The following WWC1 variants were observed in gnomAD, a reference collection of about 807,000 sequenced individuals.
WWC1 encodes WW and C2 domain containing 1, also known as protein KIBRA.
A neutral mutation model predicts 138.4 loss-of-function variants in WWC1; 55 were observed. The ratio of observed to expected loss-of-function variants is 0.40; its 90% CI spans 0.32 to 0.50. WWC1 has a LOEUF of 0.50. Among genes scored for constraint, WWC1 ranks in the 20% least tolerant of loss-of-function variants. WWC1 has a pLI of 0.72. For synonymous variants in WWC1, 524 were observed against 564.9 expected, an observed-to-expected ratio of 0.93 and a Z score of 1.03; for missense variants, 1,226 against 1,420.4, an observed-to-expected ratio of 0.86 and a Z score of 2.20.
At chr5:168,318,821 A>G (rs551107259) in intron 1 of WWC1, among the ~76,000 whole-genome samples, 1 of 151,950 alleles carries the variant, frequency 6.6e-6, no homozygotes, top group Admixed American at 6.6e-5. Context: ...TGGCCTCCCA[A>G]AGTGCTGGGA....
At chr5:168,467,711 T>A in intron 21 of WWC1, 129 bp from the exon 22 acceptor site, 1 of 1,333,914 alleles carries the variant, frequency 7.5e-7, no homozygotes, top group Non-Finnish European at 1.0e-6. Flanking sequence ...CTGAATGAAG[T>A]GGATCCCACA....
intron 1 of WWC1, among the ~76,000 whole-genome samples, chr5:168,323,177 A>G (rs1772258374): frequency 6.6e-6 from 1 of 152,238 alleles, no homozygotes; most frequent in Non-Finnish European, 1.5e-5. Context: ...AAAATTTGCT[A>G]GATGAGTTTA....
chr5:168,465,790 T>C (rs1192123337), intron 21 of WWC1, among the ~76,000 whole-genome samples: 2 of 152,068 alleles, frequency 1.3e-5, no homozygotes, highest in Non-Finnish European at 2.9e-5. Context: ...ACTCCTGGGC[T>C]CAAACATTCA....
chr5:168,414,301 T>C (rs1297750155), intron 8 of WWC1, 47 bp from the exon 9 acceptor site: 1 of 1,600,248 alleles, frequency 6.2e-7, no homozygotes, highest in Non-Finnish European at 8.5e-7. Context: ...TCCTGTTCCC[T>C]CAGTGCCATT....
chr5:168,463,676 G>A (rs184399565), intron 20 of WWC1, among the ~76,000 whole-genome samples: 43 of 152,184 alleles, frequency 2.8e-4, no homozygotes, highest in African/African-American at 8.9e-4. Context: ...GGTCTTTTAC[G>A]TATAGATAAC....
chr5:168,467,802 C>G, intron 21 of WWC1, 38 bp from the exon 22 acceptor site: 1 of 1,613,608 alleles, frequency 6.2e-7, no homozygotes, highest in Non-Finnish European at 8.5e-7. Context: ...TTCTGGAGGC[C>G]CCCTCCACTG....
intron 9 of WWC1, chr5:168,415,075 G>T (rs1273881968): frequency 6.0e-6 from 1 of 166,602 alleles, no homozygotes; most frequent in Admixed American, 5.5e-5. Flanking sequence ...TAAGTAAGGG[G>T]TTGCAGTTTG....
chr5:168,325,010 G>C (rs972995798), intron 1 of WWC1, among the ~76,000 whole-genome samples: 4 of 152,210 alleles, frequency 2.6e-5, no homozygotes, highest in Admixed American at 2.6e-4. Flanking sequence ...AGTAGAGCAA[G>C]CTTTCCAGCT....
At chr5:168,389,218 G>A (rs1010531682) in intron 3 of WWC1, among the ~76,000 whole-genome samples, 3 of 152,106 alleles carry the variant, frequency 2.0e-5, no homozygotes, top group Admixed American at 1.3e-4. Flanking sequence ...GGAGGCTGAG[G>A]CAGGTGGATC....
At chr5:168,317,136 G>A (rs1280795582) in intron 1 of WWC1, among the ~76,000 whole-genome samples, 1 of 152,176 alleles carries the variant, frequency 6.6e-6, no homozygotes, top group Middle Eastern at 3.2e-3. Context: ...GAGAGGTTAG[G>A]GAACTTACCG....
chr5:168,398,063 C>T (rs923775149), intron 4 of WWC1, among the ~76,000 whole-genome samples: 2 of 151,780 alleles, frequency 1.3e-5, no homozygotes, highest in African/African-American at 2.4e-5. Flanking sequence ...AAGTAACTAC[C>T]GTCATCTGCA....
intron 6 of WWC1, 84 bp downstream of exon 6, chr5:168,406,411 C>T (rs566529929): frequency 1.9e-5 from 29 of 1,564,020 alleles, no homozygotes; most frequent in African/African-American, 2.7e-5. Flanking sequence ...GCTATTTCCA[C>T]GTGGTACACA....
Position 168,391,760 on chromosome 5 carries a change from CATATATATATATATAT to C in WWC1, c.434-5945_434-5930del, listed in dbSNP as rs70976481. Among the ~76,000 whole-genome samples the C allele has an allele frequency of 8.3e-3, 915 of 110,574 alleles. 8 individuals carry two copies. Among genetic ancestry groups the C allele is most frequent in the Admixed American group, 0.012 (129 of 10,394 alleles). The allele number at this position is 110,574 out of a possible 152,430, so 72.5% of individuals were successfully genotyped here. A position where few individuals can be genotyped will look rare whatever the true frequency, so the allele number is the denominator to read the frequency against. On this transcript the variant is annotated intron_variant, in intron 3 of 22. Transcript: ENST00000265293. ...TATCAGATAAAATATATTTTTAAGGCATATATATATATATATATATATATATATATATATGATTAGG... is the reference window on the plus strand; with the variant it reads ...TATCAGATAAAATATATTTTTAAGGCATATATATATATATATATGATTAGG...
chr5:168,363,301 A>G (rs552066265), intron 1 of WWC1, among the ~76,000 whole-genome samples: 1 of 152,174 alleles, frequency 6.6e-6, no homozygotes, highest in Admixed American at 6.5e-5. Context: ...AGGCAGGAGG[A>G]TCACTTGAGG....
At position 168,357,201 on chromosome 5, in the gene WWC1, A is replaced by G. The variant is rs565418325; in HGVS notation, c.120-14223A>G. 1.8e-3 allele frequency among the ~76,000 whole-genome samples: 271 copies of G among 152,112 alleles called. 1 individual carries two copies. The highest frequency in any genetic ancestry group is 6.2e-3 in the African/African-American group (259 of 41,526). ...TCTTTGTTCTTTTGTGAGTTCATTT[A>G]TTCATTCAGTGAACATTCATTTGGT... is the stretch of plus-strand genomic sequence containing the variant. On this transcript the variant is annotated intron_variant, in intron 1 of 22. Transcript: ENST00000265293.
At chr5:168,432,271 G>A (rs1782011265) in intron 15 of WWC1, among the ~76,000 whole-genome samples, 1 of 152,164 alleles carries the variant, frequency 6.6e-6, no homozygotes, top group African/African-American at 2.4e-5. Context: ...ACCTATTCAA[G>A]TGTCTGATCC....
chr5:168,452,687 C>G (rs1245438744), intron 17 of WWC1, among the ~76,000 whole-genome samples: 1 of 152,154 alleles, frequency 6.6e-6, no homozygotes, highest in Non-Finnish European at 1.5e-5. Context: ...CATGAATGTA[C>G]AAGAAGCTTT....
intron 2 of WWC1, among the ~76,000 whole-genome samples, chr5:168,378,995 C>T (rs1004114789): frequency 6.6e-6 from 1 of 152,050 alleles, no homozygotes; most frequent in African/African-American, 2.4e-5. Flanking sequence ...CATGAGTGTG[C>T]TGCCATGTGT....
At chr5:168,359,097 C>G (rs374996438) in intron 1 of WWC1, among the ~76,000 whole-genome samples, 2 of 149,470 alleles carry the variant, frequency 1.3e-5, no homozygotes, top group South Asian at 2.1e-4. Flanking sequence ...ACTCTGTCAC[C>G]CAGGCTGGAG....
Sources: gnomAD v4.1 joint callset for allele counts (sites outside exome capture counted in the v4.1 genomes callset) on GRCh38, gnomAD v4.1.1 for gene constraint, MANE v1.5 for transcripts, NCBI Gene and HGNC (gene_info 2026-07-23, HGNC 2026-07-21) for gene names.